Variants in PLD5 observed in about 807,000 individuals in gnomAD.
The protein encoded by PLD5 is inactive phospholipase D5.
Under a neutral mutation model 61.1 loss-of-function variants are expected in PLD5, and 36 were observed. The ratio of observed to expected loss-of-function variants is 0.59; its 90% CI spans 0.45 to 0.78. The LOEUF (loss-of-function observed/expected upper bound fraction) is 0.78. Ranked by LOEUF, PLD5 falls within the 30% of genes least tolerant of loss-of-function variation. The pLI, the probability that PLD5 is intolerant of heterozygous loss-of-function variation, is 0.00. For synonymous variants in PLD5, 243 were observed against 242.8 expected, an observed-to-expected ratio of 1.00 and a Z score of -0.01; for missense variants, 515 against 644.4, an observed-to-expected ratio of 0.80 and a Z score of 2.17.
chr1:242,166,491 C>A (rs559316916), intron 5 of PLD5, among the ~76,000 whole-genome samples: 16 of 152,028 alleles, frequency 1.1e-4, no homozygotes, highest in African/African-American at 3.6e-4. Context: ...CACACATACA[C>A]CCTGATGGGA....
Position 242,219,982 on chromosome 1 carries a change from G to T in PLD5, c.735+6C>A, listed in dbSNP as rs1327689541. ...ACATTGAGTTTACATAACGTAGAAA[G>T]CTTACCTGTCCCAGGGATTGCCAGT... is the stretch of plus-strand genomic sequence containing the variant. On this transcript the variant is annotated splice_donor_region_variant and intron_variant, in intron 5 of 9. Transcript: ENST00000536534. The T allele has an allele frequency of 1.9e-6, 3 of 1,612,836 alleles. No individual in the cohort carries two copies. Among genetic ancestry groups the T allele is most frequent in the Non-Finnish European group, 2.5e-6 (3 of 1,178,978 alleles).
intron 1 of PLD5, among the ~76,000 whole-genome samples, chr1:242,366,331 T>C (rs1469977247): frequency 2.6e-5 from 4 of 152,202 alleles, no homozygotes; most frequent in South Asian, 2.1e-4. Flanking sequence ...AAGGTCTCTG[T>C]CTACCTCAGC....
intron 5 of PLD5, among the ~76,000 whole-genome samples, chr1:242,152,824 C>T (rs1010536633): frequency 3.7e-4 from 56 of 152,110 alleles, no homozygotes; most frequent in Middle Eastern, 3.2e-3. Flanking sequence ...CATACGTGTG[C>T]ATGTGTCTTT....
intron 3 of PLD5, among the ~76,000 whole-genome samples, chr1:242,272,146 A>G (rs316912): frequency 0.99 from 150,586 of 152,102 alleles, 74,563 homozygotes; most frequent in Middle Eastern, 1. Context: ...AATGGAGGTG[A>G]GCTTTAAGGT....
rs1661748662 is a variant in PLD5 at position 242,114,035 on chromosome 1, A to G, written c.934-9T>C. ...AAGAGTTTTGGAGAATTCTGTGAAG[A>G]CACAAAAGCCAAACTTTTAGCGTAC... On this transcript the variant is annotated splice_polypyrimidine_tract_variant and intron_variant, in intron 6 of 9. Coordinates refer to ENST00000536534, the MANE Select transcript of PLD5 (RefSeq NM_001372062.1). 2 of 1,611,100 alleles carry G rather than the reference A, an allele frequency of 1.2e-6. No homozygotes were observed. The highest frequency in any genetic ancestry group is 4.5e-5 in the East Asian group (2 of 44,794).
chr1:242,087,871 T>C lies in PLD5; in HGVS notation c.*1983A>G, dbSNP rs1659545111. The C allele has an allele frequency of 6.6e-6, 1 of 152,260 alleles. No individual in the cohort carries two copies. The highest frequency in any genetic ancestry group is 1.5e-5 in the Non-Finnish European group (1 of 68,042). 9.4% of individuals were successfully genotyped at this position (152,260 alleles called of 1,614,324 possible). On this transcript the variant is annotated 3_prime_UTR_variant, in exon 10 of 10. Coordinates refer to ENST00000536534, the MANE Select transcript of PLD5 (RefSeq NM_001372062.1). ...TATTTAGAGTCTTAGGGACTGGCTA[T>C]TATTGATGAAGAATTTCAGTGAGAA...
chr1:242,371,530 T>C (rs1376813293), intron 1 of PLD5, among the ~76,000 whole-genome samples: 1 of 152,042 alleles, frequency 6.6e-6, no homozygotes, highest in Non-Finnish European at 1.5e-5. Context: ...TCCCCCTCCT[T>C]CTTTCAATCT....
chr1:242,104,504 A>G (rs573231001), intron 8 of PLD5, among the ~76,000 whole-genome samples: 4 of 152,300 alleles, frequency 2.6e-5, no homozygotes, highest in South Asian at 4.1e-4. Context: ...TCTCTTCTAC[A>G]TGCAGACGCC....
intron 1 of PLD5, among the ~76,000 whole-genome samples, chr1:242,355,113 G>C (rs1229563918): frequency 1.3e-5 from 2 of 152,110 alleles, no homozygotes; most frequent in Non-Finnish European, 2.9e-5. Context: ...TCTGGCTTTA[G>C]TATAGGGGTA....
intron 3 of PLD5, among the ~76,000 whole-genome samples, chr1:242,286,761 C>G (rs1253365249): frequency 1.3e-5 from 2 of 152,154 alleles, no homozygotes; most frequent in South Asian, 4.1e-4. Flanking sequence ...AGACTTTTCT[C>G]CTGCTAATCT....
At chr1:242,464,433 G>A (rs758575185) in intron 1 of PLD5, among the ~76,000 whole-genome samples, 9 of 152,108 alleles carry the variant, frequency 5.9e-5, no homozygotes, top group East Asian at 1.9e-4. Flanking sequence ...CCTCAGTTAC[G>A]GCAATTCTAT....
At chr1:242,226,491 T>A (rs1342137745) in intron 4 of PLD5, among the ~76,000 whole-genome samples, 1 of 152,246 alleles carries the variant, frequency 6.6e-6, no homozygotes, top group African/African-American at 2.4e-5. Context: ...GTATATCCTT[T>A]CTATTGTTGC....
In PLD5 at chr1:242,113,872, G is replaced by A. The variant is rs1183077687; in HGVS notation, c.1070+18C>T. ...TCTTAGGGACTGGGTTCTAACCAGA[G>A]GCTGGGCATTCACTGACCTTTTGGT... is the stretch of plus-strand genomic sequence containing the variant. On this transcript the variant is annotated intron_variant, in intron 7 of 9. Transcript: ENST00000536534. The A allele has an allele frequency of 1.2e-6, 2 of 1,610,794 alleles. No homozygotes were observed. The highest frequency in any genetic ancestry group is 1.7e-6 in the Non-Finnish European group (2 of 1,178,600).
At chr1:242,301,656 G>A (rs996582798) in intron 2 of PLD5, among the ~76,000 whole-genome samples, 3 of 152,168 alleles carry the variant, frequency 2.0e-5, no homozygotes, top group Non-Finnish European at 4.4e-5. Context: ...ATATAGTCAC[G>A]CATTTTGGTT....
chr1:242,250,344 G>A (rs774360389), intron 4 of PLD5, among the ~76,000 whole-genome samples: 89 of 152,298 alleles, frequency 5.8e-4, no homozygotes, highest in South Asian at 1.0e-3. Flanking sequence ...TCTAGAGGTA[G>A]AAACACGCAT....
intron 1 of PLD5, among the ~76,000 whole-genome samples, chr1:242,360,887 A>G (rs1375500890): frequency 6.6e-6 from 1 of 152,182 alleles, no homozygotes; most frequent in Non-Finnish European, 1.5e-5. Context: ...GTTTAAAGTA[A>G]TGTAATAATA....
At chr1:242,247,189 A>G (rs911352347) in intron 4 of PLD5, among the ~76,000 whole-genome samples, 1 of 151,984 alleles carries the variant, frequency 6.6e-6, no homozygotes, top group African/African-American at 2.4e-5. Flanking sequence ...TCACTGTGTT[A>G]GCCAGGATGG....
At chr1:242,431,249 C>T (rs1665700859) in intron 1 of PLD5, among the ~76,000 whole-genome samples, 3 of 152,152 alleles carry the variant, frequency 2.0e-5, no homozygotes, top group African/African-American at 7.2e-5. Context: ...TTCAAAGAAA[C>T]AGTTTTGGTG....
At chr1:242,152,054 A>G (rs992580891) in intron 5 of PLD5, among the ~76,000 whole-genome samples, 4 of 151,850 alleles carry the variant, frequency 2.6e-5, no homozygotes, top group African/African-American at 7.3e-5. Context: ...AAAATTTATT[A>G]TCATGCAGTT....
Sources: gnomAD v4.1 joint callset for allele counts (sites outside exome capture counted in the v4.1 genomes callset) on GRCh38, gnomAD v4.1.1 for gene constraint, MANE v1.5 for transcripts, NCBI Gene and HGNC (gene_info 2026-07-23, HGNC 2026-07-21) for gene names.